Variants in TSGA10IP observed in about 807,000 individuals in gnomAD.
The protein encoded by TSGA10IP is testis specific 10 interacting protein.
TSGA10IP carries 64 observed loss-of-function variants against 63.2 expected under a neutral mutation model. That is an observed-to-expected ratio of 1.01 (90% CI 0.83 to 1.25). The LOEUF is 1.25. Ranked by LOEUF, TSGA10IP falls within the 50% of genes most tolerant of loss-of-function variation. The probability of loss-of-function intolerance (pLI) is 0.00; values close to 1 mark genes in which losing one functional copy is unlikely to be tolerated. For synonymous variants in TSGA10IP, 316 were observed against 298.3 expected (o/e 1.06, Z -0.61); for missense variants, 681 against 710.1 (o/e 0.96, Z 0.47).
At chr11:65,957,299 C>T (rs180927866) in intron 5 of TSGA10IP, among the ~76,000 whole-genome samples, 63 of 152,240 alleles carry the variant, frequency 4.1e-4, no homozygotes, top group East Asian at 2.5e-3. Flanking sequence ...TACAGGCGCA[C>T]GCCACCACTC....
chr11:65,948,175 G>T lies in TSGA10IP; in HGVS notation c.1151+27G>T, dbSNP rs755636495. On this transcript the variant is annotated intron_variant, in intron 4 of 7. Coordinates refer to ENST00000532620, the Ensembl canonical transcript of TSGA10IP. ...TAAGAGGGAAGAGAAGGGAGTGGGA[G>T]CCCAGAATGAGAAGTAGAGATGGAG... The T allele has an allele frequency of 6.9e-6, 11 of 1,590,066 alleles. No individual in the cohort carries two copies. In the South Asian group the frequency reaches 1.3e-4, roughly 18 times the overall value.
At chr11:65,959,165 A>G in intron 6 of TSGA10IP, 25 bp from the exon 7 acceptor site, 1 of 1,597,960 alleles carries the variant, frequency 6.3e-7, no homozygotes. Context: ...GGTGCAGAGC[A>G]GGAAGCCGTC....
chr11:65,947,149 C>T (rs1381232941), exon 3 of TSGA10IP: 1 of 1,611,714 alleles, frequency 6.2e-7, no homozygotes, highest in Admixed American at 1.7e-5. Context: ...CCTTCCCCTT[C>T]CAGTGGGCCT....
intron 5 of TSGA10IP, among the ~76,000 whole-genome samples, chr11:65,954,207 C>T (rs1854989216): frequency 6.6e-6 from 1 of 151,658 alleles, no homozygotes; most frequent in African/African-American, 2.4e-5. Flanking sequence ...GCTCTGTCGC[C>T]CAGGCTGGAG....
At chr11:65,953,309 G>T (rs921378435) in intron 4 of TSGA10IP, among the ~76,000 whole-genome samples, 2 of 152,158 alleles carry the variant, frequency 1.3e-5, no homozygotes, top group Non-Finnish European at 2.9e-5. Context: ...GGGATTACAG[G>T]CATGAACCAC....
intron 4 of TSGA10IP, 134 bp downstream of exon 4, chr11:65,948,282 AT>A (rs1854881527): frequency 1.4e-6 from 1 of 723,218 alleles, no homozygotes; most frequent in African/African-American, 1.8e-5. Flanking sequence ...TGGATCATCC[AT>A]CCATCCATCC....
intron 5 of TSGA10IP, among the ~76,000 whole-genome samples, chr11:65,955,421 C>A (rs573316777): frequency 6.6e-6 from 1 of 152,158 alleles, no homozygotes; most frequent in African/African-American, 2.4e-5. Context: ...GCCTGGCCAA[C>A]GTAATGAAAC....
At chr11:65,947,772 A>G in exon 3 of TSGA10IP, 1 of 1,585,574 alleles carries the variant, frequency 6.3e-7, no homozygotes, top group Non-Finnish European at 8.6e-7. Flanking sequence ...AAGGAGCTGC[A>G]GGGGCCATGG....
exon 5 of TSGA10IP, chr11:65,953,569 G>T (rs1374281990): frequency 6.3e-7 from 1 of 1,580,786 alleles, no homozygotes; most frequent in South Asian, 1.1e-5. Context: ...CACCCAAGGA[G>T]CCTGCTGCAG....
chr11:65,958,275 T>C (rs1290343405), intron 5 of TSGA10IP, among the ~76,000 whole-genome samples: 4 of 152,216 alleles, frequency 2.6e-5, no homozygotes, highest in African/African-American at 9.6e-5. Context: ...AAAATTGTGC[T>C]TCCCCAGTGG....
At chr11:65,953,825 C>A in intron 5 of TSGA10IP, 88 bp downstream of exon 5, 5 of 1,110,274 alleles carry the variant, frequency 4.5e-6, no homozygotes, top group Non-Finnish European at 6.0e-6. Context: ...GGAGCACCAG[C>A]CCTCGCCTTC....
chr11:65,959,424 C>T, intron 7 of TSGA10IP, 110 bp downstream of exon 7: 1 of 1,469,124 alleles, frequency 6.8e-7, no homozygotes, highest in Non-Finnish European at 9.1e-7. Context: ...AGGCAGAGAG[C>T]CCAGAGGAAG....
intron 7 of TSGA10IP, 125 bp downstream of exon 7, chr11:65,959,439 G>A: frequency 7.1e-7 from 1 of 1,402,764 alleles, no homozygotes; most frequent in Non-Finnish European, 9.5e-7. Flanking sequence ...AGGAAGGCAA[G>A]GCCAGGGTTG....
intron 5 of TSGA10IP, among the ~76,000 whole-genome samples, chr11:65,956,032 C>T (rs1855017868): frequency 1.3e-5 from 2 of 152,134 alleles, no homozygotes; most frequent in Admixed American, 6.5e-5. Flanking sequence ...TTTTCTGCAC[C>T]CTGTCTCCTT....
chr11:65,959,170 G>T lies in TSGA10IP; in HGVS notation c.1423-20G>T. On this transcript the variant is annotated intron_variant, in intron 6 of 7. Coordinates refer to ENST00000532620, the Ensembl canonical transcript of TSGA10IP. Reference sequence around the variant, plus strand: ...CGGCAGCCCTGGTGCAGAGCAGGAAGCCGTCTTCTCTCTCCTCAGGCCAAT... The same window carrying T: ...CGGCAGCCCTGGTGCAGAGCAGGAATCCGTCTTCTCTCTCCTCAGGCCAAT... 6.3e-7 allele frequency: 1 copy of T among 1,598,626 alleles called. No homozygotes were observed. Among genetic ancestry groups the T allele is most frequent in the Non-Finnish European group, 8.5e-7 (1 of 1,174,112 alleles).
In TSGA10IP at chr11:65,947,548, G is replaced by T. The variant is rs1351151536; in HGVS notation, c.723G>T (p.Gly241=). ...TGCTGCCCCAGCGCCCCAGGAGGGGGTCGATCTCAGAGGAGGAGCAATTTT... is the reference window on the plus strand; with the variant it reads ...TGCTGCCCCAGCGCCCCAGGAGGGGTTCGATCTCAGAGGAGGAGCAATTTT... Residue 241 remains glycine (G), a synonymous_variant, in exon 3 of 8, where the codon GGG becomes GGT. Coordinates refer to ENST00000532620, the Ensembl canonical transcript of TSGA10IP. The T allele has an allele frequency of 5.6e-6, 9 of 1,613,772 alleles. No homozygotes were observed. In the African/African-American group the frequency reaches 9.3e-5, roughly 17 times the overall value.
exon 1 of TSGA10IP, chr11:65,945,663 G>A (rs1565304517): frequency 6.2e-7 from 1 of 1,612,744 alleles, no homozygotes; most frequent in Non-Finnish European, 8.5e-7. Context: ...GTGCGGATGG[G>A]GGATGGGGCA....
rs189467877 is a variant in TSGA10IP, at chr11:65,956,178, C to T, written c.1322+2441C>T. Among the ~76,000 whole-genome samples, 621 of 147,518 alleles carry T rather than the reference C, an allele frequency of 4.2e-3. 2 individuals carry two copies. The highest frequency in any genetic ancestry group is 6.4e-3 in the Non-Finnish European group (432 of 67,604). Reference sequence around the variant, plus strand: ...TTGAGACAGAGTTTCGCTCTTGTTGCCCAAGCTGGAGTGCAATGGCGCGAT... The same window carrying T: ...TTGAGACAGAGTTTCGCTCTTGTTGTCCAAGCTGGAGTGCAATGGCGCGAT... On this transcript the variant is annotated intron_variant, in intron 5 of 7. Transcript: ENST00000532620.
exon 3 of TSGA10IP, chr11:65,947,309 T>C (rs2134863385): frequency 6.2e-7 from 1 of 1,612,458 alleles, no homozygotes; most frequent in African/African-American, 1.3e-5. Flanking sequence ...TGGCTGCTGC[T>C]GGAAGACAGA....
Sources: gnomAD v4.1 joint callset for allele counts (sites outside exome capture counted in the v4.1 genomes callset) on GRCh38, gnomAD v4.1.1 for gene constraint, MANE v1.5 for transcripts, NCBI Gene and HGNC (gene_info 2026-07-23, HGNC 2026-07-21) for gene names.